Variants in SIN3A observed in about 807,000 individuals in gnomAD.
The protein encoded by SIN3A is SIN3 transcription regulator family member A.
In SIN3A, 14 loss-of-function variants were observed where a neutral mutation model predicts 146.1. The ratio of observed to expected loss-of-function variants is 0.10; its 90% CI spans 0.06 to 0.15. SIN3A has a LOEUF of 0.15. SIN3A is among the 10% of genes least tolerant of loss of function. The pLI, the probability that SIN3A is intolerant of heterozygous loss-of-function variation, is 1.00. For missense variants in SIN3A, 1,028 were observed against 1,576.0 expected (o/e 0.65, Z 5.89); for synonymous variants, 572 against 572.0 (o/e 1.00, Z 0.00).
chr15:75,405,385 A>G (rs896313897), intron 9 of SIN3A, among the ~76,000 whole-genome samples: 1 of 151,812 alleles, frequency 6.6e-6, no homozygotes, highest in African/African-American at 2.4e-5. Context: ...AAAAAACCCA[A>G]AAATGTAAAA....
rs1287451423 is a variant in SIN3A, at chr15:75,422,966, A to AC, written c.190-144dup. 5.3e-6 allele frequency: 4 copies of AC among 753,374 alleles called. No homozygotes were observed. In the African/African-American group the frequency reaches 7.0e-5, roughly 13 times the overall value. 46.7% of individuals were successfully genotyped at this position (753,374 alleles called of 1,614,324 possible). On this transcript the variant is annotated intron_variant, in intron 2 of 20. Coordinates refer to ENST00000394947, the MANE Select transcript of SIN3A (RefSeq NM_001145358.2). ...GGGCGTGATGGCTCACACCTATCTCACCTACATAGGAAGATCGCCTGAACT... is the reference window on the plus strand; with the variant it reads ...GGGCGTGATGGCTCACACCTATCTCACCCTACATAGGAAGATCGCCTGAACT...
At chr15:75,377,558 G>A (rs1259890426) in intron 19 of SIN3A, among the ~76,000 whole-genome samples, 1 of 151,724 alleles carries the variant, frequency 6.6e-6, no homozygotes, top group Non-Finnish European at 1.5e-5. Context: ...CTGGCTGGTG[G>A]AGGCTGCAGT....
At chr15:75,422,892 A>G in intron 2 of SIN3A, 69 bp from the exon 3 acceptor site, 1 of 1,473,466 alleles carries the variant, frequency 6.8e-7, no homozygotes, top group Non-Finnish European at 9.3e-7. Flanking sequence ...AGTCTAAATA[A>G]CTAACACAAA....
chr15:75,444,241 G>A (rs762408060), intron 1 of SIN3A, among the ~76,000 whole-genome samples: 2 of 152,134 alleles, frequency 1.3e-5, no homozygotes, highest in Non-Finnish European at 2.9e-5. Flanking sequence ...AGAAGTTTGA[G>A]GCCAGCCTGG....
At position 75,400,166 on chromosome 15, in the gene SIN3A, G is replaced by A. The variant is rs1169815409; in HGVS notation, c.1738-10C>T. 1 of 1,453,316 alleles carries A rather than the reference G, an allele frequency of 6.9e-7. No homozygotes were observed. Among genetic ancestry groups the A allele is most frequent in the Non-Finnish European group, 9.6e-7 (1 of 1,041,202 alleles). 90.0% of individuals were successfully genotyped at this position (1,453,316 alleles called of 1,614,324 possible). ...AGGTATCATTTAAAACCTTTGGGTA[G>A]AAGAAGAGAGACTGAAACAAAAGCC... On this transcript the variant is annotated splice_polypyrimidine_tract_variant and intron_variant, in intron 11 of 20. Coordinates refer to ENST00000394947, the MANE Select transcript of SIN3A (RefSeq NM_001145358.2).
chr15:75,413,018 A>T lies in SIN3A; in HGVS notation c.501T>A (p.Arg167=), dbSNP rs1344081768. Residue 167 remains arginine (R), a synonymous_variant, in exon 5 of 21, where the codon CGT becomes CGA. Coordinates refer to ENST00000394947, the MANE Select transcript of SIN3A (RefSeq NM_001145358.2). The stretch of plus-strand genomic sequence containing the variant: ...GGTGGCCTTTGAATAGCTGGGACAC[A>T]CGACTAATCACTCCTGGGGTGTCGA... ...QSIDTPGVIS[R]VSQLFKGHPD... is the part of the protein sequence containing the mutation. 1 of 1,613,922 alleles carries T rather than the reference A, an allele frequency of 6.2e-7. No homozygotes were observed. Among genetic ancestry groups the T allele is most frequent in the Admixed American group, 1.7e-5 (1 of 59,974 alleles).
At chr15:75,450,720 G>T (rs942840964) in intron 1 of SIN3A, among the ~76,000 whole-genome samples, 1 of 152,238 alleles carries the variant, frequency 6.6e-6, no homozygotes, top group African/African-American at 2.4e-5. Flanking sequence ...AGTAAGTCCT[G>T]ACACCTCCAC....
At chr15:75,409,550 C>G (rs530331389) in intron 8 of SIN3A, among the ~76,000 whole-genome samples, 1 of 151,186 alleles carries the variant, frequency 6.6e-6, no homozygotes, top group Non-Finnish European at 1.5e-5. Flanking sequence ...CACGGTGAAA[C>G]CCCGTCTCCA....
intron 15 of SIN3A, among the ~76,000 whole-genome samples, chr15:75,391,516 AAG>A (rs1555443417): frequency 9.6e-5 from 14 of 145,150 alleles, no homozygotes; most frequent in African/African-American, 1.6e-4. Context: ...AAAAAAAAAA[AAG>A]AAGAAGAAGA....
chr15:75,435,941 A>C (rs1317296968), intron 1 of SIN3A, among the ~76,000 whole-genome samples: 1 of 151,742 alleles, frequency 6.6e-6, no homozygotes, highest in African/African-American at 2.4e-5. Context: ...CCTGGGCAAC[A>C]ATGGGATGAC....
intron 1 of SIN3A, among the ~76,000 whole-genome samples, chr15:75,437,616 C>T (rs565204620): frequency 4.6e-5 from 7 of 152,260 alleles, no homozygotes; most frequent in South Asian, 2.1e-4. Context: ...TGTAAAACCA[C>T]GCTTGCAGAG....
intron 1 of SIN3A, among the ~76,000 whole-genome samples, chr15:75,445,678 A>G (rs558434492): frequency 7.0e-6 from 1 of 141,940 alleles, no homozygotes; most frequent in Non-Finnish European, 1.5e-5. Context: ...GGGTGTGTGT[A>G]TGTGTGTGTG....
In SIN3A at chr15:75,414,314, G is replaced by A. The variant is rs550079357; in HGVS notation, c.367-3C>T. 3 of 1,456,052 alleles carry A rather than the reference G, an allele frequency of 2.1e-6. No individual in the cohort carries two copies. Among genetic ancestry groups the A allele is most frequent in the East Asian group, 4.8e-5 (2 of 42,104 alleles). The allele number at this position is 1,456,052 out of a possible 1,614,324, so 90.2% of individuals were successfully genotyped here. ...AGATAAGATAGCGCATCCTCCACCT[G>A]AGGCAGGGATAAATATCAAGGTTAT... On this transcript the variant is annotated splice_polypyrimidine_tract_variant and splice_region_variant and intron_variant, in intron 3 of 20. Transcript: ENST00000394947.
intron 8 of SIN3A, 34 bp from the exon 9 acceptor site, chr15:75,407,178 A>C: frequency 7.0e-7 from 1 of 1,422,912 alleles, no homozygotes; most frequent in Non-Finnish European, 9.9e-7. Flanking sequence ...GTGAGATTCA[A>C]CGAGTGGTTT....
rs558835244 is a variant in SIN3A, at chr15:75,409,624, G to T, written c.1317+212C>A. Among the ~76,000 whole-genome samples, 390 of 152,024 alleles carry T rather than the reference G, an allele frequency of 2.6e-3. 1 individual carries two copies. The highest frequency in any genetic ancestry group is 2.1e-3 in the Non-Finnish European group (146 of 67,972). ...CGCCTGTAGTCCCAGCTACTCGGGA[G>T]GGCGAGACAGGAGAATCGCTTGAAC... On this transcript the variant is annotated intron_variant, in intron 8 of 20. Transcript: ENST00000394947.
chr15:75,387,155 G>A (rs2073100817), intron 16 of SIN3A, among the ~76,000 whole-genome samples: 1 of 152,102 alleles, frequency 6.6e-6, no homozygotes, highest in African/African-American at 2.4e-5. Context: ...GGAATCTGAG[G>A]GAACACCAAA....
chr15:75,373,666 T>G (rs1055256007), intron 20 of SIN3A, among the ~76,000 whole-genome samples: 4 of 151,846 alleles, frequency 2.6e-5, no homozygotes, highest in African/African-American at 9.7e-5. Context: ...TCCCAGCACT[T>G]TAGGAGGCTG....
intron 1 of SIN3A, among the ~76,000 whole-genome samples, chr15:75,448,579 C>G (rs2074348519): frequency 6.6e-6 from 1 of 151,520 alleles, no homozygotes; most frequent in African/African-American, 2.4e-5. Context: ...TTTCAAGGGG[C>G]GAGGAAGGTG....
chr15:75,428,243 G>C (rs185684843), intron 2 of SIN3A, among the ~76,000 whole-genome samples: 3 of 152,260 alleles, frequency 2.0e-5, no homozygotes, highest in Admixed American at 6.5e-5. Flanking sequence ...CCTGCTGACT[G>C]GTTTCCAACA....
Sources: allele counts gnomAD v4.1 joint callset (sites outside exome capture counted in the v4.1 genomes callset), GRCh38; gene constraint gnomAD v4.1.1; transcripts MANE v1.5; gene names NCBI Gene and HGNC (gene_info 2026-07-23, HGNC 2026-07-21).